Variants in WWOX observed in about 807,000 individuals in gnomAD.
WWOX encodes the protein WW domain-containing oxidoreductase.
In WWOX, 69 loss-of-function variants were observed where a neutral mutation model predicts 46.2. The observed-to-expected ratio is 1.49, with a 90% CI of 1.23 to 1.82. WWOX has a LOEUF of 1.82. WWOX is among the 40% of genes most tolerant of loss of function. The pLI is 0.00. For synonymous variants in WWOX, 359 were observed against 202.6 expected (o/e 1.77, Z -6.56); for missense variants, 919 against 542.6 (o/e 1.69, Z -6.89).
intron 5 of WWOX, among the ~76,000 whole-genome samples, chr16:78,262,011 A>C (rs1344197677): frequency 7.0e-6 from 1 of 142,916 alleles, no homozygotes; most frequent in Non-Finnish European, 1.5e-5. Context: ...AATCGCTTGA[A>C]CCTGGGAAGC....
At chr16:78,732,199 A>C (rs758518241) in intron 8 of WWOX, among the ~76,000 whole-genome samples, 1 of 151,976 alleles carries the variant, frequency 6.6e-6, no homozygotes, top group Non-Finnish European at 1.5e-5. Flanking sequence ...CTTACTTATT[A>C]CTATGTAGAA....
chr16:78,984,091 G>C (rs1267800660), intron 8 of WWOX, among the ~76,000 whole-genome samples: 1 of 151,962 alleles, frequency 6.6e-6, no homozygotes, highest in African/African-American at 2.4e-5. Flanking sequence ...TCTTAGCCAG[G>C]ATGGTCTCGA....
At chr16:78,956,503 A>G (rs968414975) in intron 8 of WWOX, among the ~76,000 whole-genome samples, 1 of 152,132 alleles carries the variant, frequency 6.6e-6, no homozygotes, top group Admixed American at 6.5e-5. Context: ...ATCATCACCT[A>G]AAGTCTATAG....
intron 8 of WWOX, among the ~76,000 whole-genome samples, chr16:78,811,596 C>A (rs1285031527): frequency 1.3e-5 from 2 of 151,986 alleles, no homozygotes; most frequent in African/African-American, 2.4e-5. Flanking sequence ...GTCTCAAGCT[C>A]CTGACCTCAG....
intron 8 of WWOX, among the ~76,000 whole-genome samples, chr16:78,716,794 C>T (rs77281473): frequency 0.015 from 2,236 of 152,242 alleles, 49 homozygotes; most frequent in African/African-American, 0.051. Context: ...AAACGTGGCC[C>T]AGCATTGTCT....
chr16:78,799,283 A>G (rs1006990231), intron 8 of WWOX, among the ~76,000 whole-genome samples: 7 of 152,304 alleles, frequency 4.6e-5, no homozygotes, highest in Middle Eastern at 6.8e-3. Flanking sequence ...TGGGCAGGGT[A>G]CAGTCTGTGA....
chr16:78,548,109 C>G (rs867899897), intron 8 of WWOX, among the ~76,000 whole-genome samples: 1 of 139,070 alleles, frequency 7.2e-6, no homozygotes, highest in Non-Finnish European at 1.5e-5. Context: ...GAGCTGAGAT[C>G]ACACCACTGC....
chr16:78,759,380 T>C (rs561271062), intron 8 of WWOX, among the ~76,000 whole-genome samples: 51 of 152,302 alleles, frequency 3.3e-4, no homozygotes, highest in African/African-American at 1.2e-3. Flanking sequence ...TCTTTTTCTA[T>C]TCTACCCTCT....
chr16:78,540,426 G>A (rs1349335777), intron 8 of WWOX, among the ~76,000 whole-genome samples: 2 of 152,116 alleles, frequency 1.3e-5, no homozygotes, highest in African/African-American at 4.8e-5. Context: ...TTTGCTGATT[G>A]CAAATATACT....
chr16:79,120,477 T>G (rs1439954188), intron 8 of WWOX, among the ~76,000 whole-genome samples: 1 of 152,100 alleles, frequency 6.6e-6, no homozygotes, highest in East Asian at 1.9e-4. Context: ...AAAATATATC[T>G]CACATGGTGC....
chr16:78,759,287 C>A (rs749321126), intron 8 of WWOX, among the ~76,000 whole-genome samples: 61 of 152,168 alleles, frequency 4.0e-4, no homozygotes, highest in Non-Finnish European at 8.1e-4. Flanking sequence ...TAACAGGATG[C>A]CATGCTTGGT....
At chr16:78,973,365 T>C (rs371018485) in intron 8 of WWOX, among the ~76,000 whole-genome samples, 3 of 151,922 alleles carry the variant, frequency 2.0e-5, no homozygotes, top group Admixed American at 6.6e-5. Flanking sequence ...GGGAGAAAAA[T>C]AGAACTGTTC....
chr16:78,318,922 T>A (rs1489485700), intron 5 of WWOX, among the ~76,000 whole-genome samples: 1 of 152,148 alleles, frequency 6.6e-6, no homozygotes, highest in Non-Finnish European at 1.5e-5. Context: ...CTTATTAGGA[T>A]GTCTGCGTCC....
At chr16:78,383,123 T>G (rs1415628285) in intron 5 of WWOX, among the ~76,000 whole-genome samples, 1 of 150,952 alleles carries the variant, frequency 6.6e-6, no homozygotes, top group Admixed American at 6.7e-5. Context: ...AGCCCCATGA[T>G]CCAATCACCT....
At chr16:79,081,821 T>C (rs2048765824) in intron 8 of WWOX, among the ~76,000 whole-genome samples, 1 of 152,100 alleles carries the variant, frequency 6.6e-6, no homozygotes, top group Non-Finnish European at 1.5e-5. Context: ...CTGTCGTGCT[T>C]GAGTGACAAA....
rs148621126 is a variant in WWOX at position 78,721,552 on chromosome 16, C to T, written c.1056+288800C>T. 1.8e-3 allele frequency among the ~76,000 whole-genome samples: 272 copies of T among 152,276 alleles called. 12 individuals are homozygous for T. The East Asian group carries it at 0.049, about 27-fold the overall frequency. On this transcript the variant is annotated intron_variant, in intron 8 of 8. Transcript: ENST00000566780. ...AGAGTATTTGCTCTTCTTTAGAAGT[C>T]ATCAATGGTAAGCCTAGGGCAGCCT... is the stretch of plus-strand genomic sequence containing the variant.
In WWOX at chr16:78,149,798, G is replaced by C. The variant is rs981263876; in HGVS notation, c.410-14385G>C. Among the ~76,000 whole-genome samples the C allele has an allele frequency of 3.9e-5, 6 of 152,244 alleles. No homozygotes were observed. In the East Asian group the frequency reaches 1.2e-3, roughly 29 times the overall value. On this transcript the variant is annotated intron_variant, in intron 4 of 8. Transcript: ENST00000566780. ...AGACCCTGTGGGGTGTGAGCCTGGT[G>C]GGGGCATTCCAGGCTGGTTTCTCCT...
At chr16:78,334,722 T>C (rs2080839636) in intron 5 of WWOX, among the ~76,000 whole-genome samples, 1 of 150,566 alleles carries the variant, frequency 6.6e-6, no homozygotes, top group Non-Finnish European at 1.5e-5. Flanking sequence ...CTAAACAAAA[T>C]GCTAACCCAT....
intron 8 of WWOX, among the ~76,000 whole-genome samples, chr16:79,160,310 C>G (rs1315278088): frequency 6.6e-6 from 1 of 152,128 alleles, no homozygotes; most frequent in African/African-American, 2.4e-5. Context: ...AAGATAGACT[C>G]CATGCAACAC....
Sources: allele counts gnomAD v4.1 joint callset (sites outside exome capture counted in the v4.1 genomes callset), GRCh38; gene constraint gnomAD v4.1.1; transcripts MANE v1.5; gene names NCBI Gene and HGNC (gene_info 2026-07-23, HGNC 2026-07-21).